Variants in USP16 observed in about 807,000 individuals in gnomAD.
USP16 encodes the protein ubiquitin specific peptidase 16.
A neutral mutation model predicts 95.9 loss-of-function variants in USP16; 77 were observed. That is an observed-to-expected ratio of 0.80 (90% confidence interval 0.67 to 0.97). The LOEUF (loss-of-function observed/expected upper bound fraction) is 0.97, where lower values mean the gene tolerates loss of function less well. Ranked by LOEUF, USP16 falls within the 50% of genes least tolerant of loss-of-function variation. USP16 has a pLI of 0.00. For synonymous variants in USP16, 303 were observed against 318.2 expected (o/e 0.95, Z 0.51); for missense variants, 943 against 959.9 (o/e 0.98, Z 0.23).
In USP16 at chr21:29,046,828, A is replaced by G; in HGVS notation, c.1518A>G (p.Lys506=). 4 of 1,614,198 alleles carry G rather than the reference A, an allele frequency of 2.5e-6. No homozygotes were observed. Among genetic ancestry groups the G allele is most frequent in the Admixed American group, 1.7e-5 (1 of 60,026 alleles). The change falls in exon 14 of 18, where the codon AAA becomes AAG. Residue 506 remains lysine, a synonymous_variant. Coordinates refer to ENST00000399976, the MANE Select transcript of USP16 (RefSeq NM_006447.3). ...TTTCACAAGAGGGTGTTATGCATAA[A>G]GAATATTGTGTCAACCAGAAAGATT... The part of the protein sequence containing the change: ...NHISQEGVMH[K]EYCVNQKDLN...
At chr21:29,041,801 G>A (rs1423964917) in intron 10 of USP16, among the ~76,000 whole-genome samples, 2 of 152,100 alleles carry the variant, frequency 1.3e-5, no homozygotes, top group Non-Finnish European at 2.9e-5. Flanking sequence ...CATAAAAGGC[G>A]ATTGTGTTCA....
rs1360881671 is a variant in USP16, at chr21:29,054,436, A to AAT, written c.*254_*255dup. 1.5e-5 allele frequency: 7 copies of AAT among 469,494 alleles called. No individual in the cohort carries two copies. The East Asian group carries it at 2.8e-4, about 19-fold the overall frequency. The allele number at this position is 469,494 out of a possible 1,614,324, so 29.1% of individuals were successfully genotyped here. A position where few individuals can be genotyped will look rare whatever the true frequency, so the allele number is the denominator to read the frequency against. ...TGAATTACTTAAGTACTTTGTGTTT[A>AAT]ATATATCTGGGTGATGGATCACAAC... On this transcript the variant is annotated 3_prime_UTR_variant, in exon 18 of 18. Transcript: ENST00000399976.
At chr21:29,047,415 A>T (rs1366053156) in intron 14 of USP16, 94 bp downstream of exon 14, 1 of 1,340,844 alleles carries the variant, frequency 7.5e-7, no homozygotes, top group Non-Finnish European at 1.0e-6. Flanking sequence ...CAGGATTTGG[A>T]TGGCATGAAT....
Position 29,040,702 on chromosome 21 carries a change from T to C in USP16, c.1030+15T>C. 2 of 1,436,326 alleles carry C rather than the reference T, an allele frequency of 1.4e-6. No individual in the cohort carries two copies. Among genetic ancestry groups the C allele is most frequent in the African/African-American group, 1.4e-5 (1 of 70,182 alleles). The allele number at this position is 1,436,326 out of a possible 1,614,324, so 89.0% of individuals were successfully genotyped here. ...TAAAGTTAAAGGTAATGTCTGACTT[T>C]TTGAACTAAAACACTATAGTTGAAT... is the stretch of plus-strand genomic sequence containing the variant. On this transcript the variant is annotated intron_variant, in intron 10 of 17. Coordinates refer to ENST00000399976, the MANE Select transcript of USP16 (RefSeq NM_006447.3).
intron 10 of USP16, 61 bp from the exon 11 acceptor site, chr21:29,041,952 T>G: frequency 1.4e-6 from 2 of 1,429,762 alleles, no homozygotes; most frequent in Non-Finnish European, 1.9e-6. Flanking sequence ...GTTTTAGCTT[T>G]TCTTGTTTAA....
intron 14 of USP16, 58 bp downstream of exon 14, chr21:29,047,379 C>A: frequency 6.6e-7 from 1 of 1,516,654 alleles, no homozygotes; most frequent in Non-Finnish European, 8.9e-7. Context: ...TTTTGCACTG[C>A]ATAGGTAGAG....
In USP16 at chr21:29,050,152, GCTC is replaced by G. The variant is rs923989245; in HGVS notation, c.2170_2172del (p.Pro724del). Reference sequence around the variant, plus strand: ...AAAGTTTCCGGAAATCTTAGATTTGGCTCCTTTTTGCACCCTTAAATGTAAGGT... The same window carrying G: ...AAAGTTTCCGGAAATCTTAGATTTGGCTTTTTGCACCCTTAAATGTAAGGT... On this transcript the variant is annotated inframe_deletion, in exon 16 of 18. Transcript: ENST00000399976. 1.2e-6 allele frequency: 2 copies of G among 1,613,410 alleles called. No individual in the cohort carries two copies. The highest frequency in any genetic ancestry group is 1.7e-6 in the Non-Finnish European group (2 of 1,179,942).
intron 1 of USP16, among the ~76,000 whole-genome samples, chr21:29,026,210 G>A (rs2146353700): frequency 6.6e-6 from 1 of 152,210 alleles, no homozygotes; most frequent in East Asian, 1.9e-4. Flanking sequence ...TGTAATCCCA[G>A]CACTTTGGGA....
chr21:29,025,117 C>G (rs2084967271), intron 1 of USP16, among the ~76,000 whole-genome samples: 1 of 152,132 alleles, frequency 6.6e-6, no homozygotes, highest in South Asian at 2.1e-4. Flanking sequence ...TGGGTTGGAG[C>G]TGGATTTGCA....
At chr21:29,037,060 A>T (rs1471870768) in intron 5 of USP16, among the ~76,000 whole-genome samples, 1 of 152,192 alleles carries the variant, frequency 6.6e-6, no homozygotes, top group Admixed American at 6.5e-5. Context: ...TATCAAACTA[A>T]TGCTTACTTT....
At chr21:29,046,372 A>G (rs2085323192) in intron 13 of USP16, among the ~76,000 whole-genome samples, 1 of 151,886 alleles carries the variant, frequency 6.6e-6, no homozygotes, top group Non-Finnish European at 1.5e-5. Context: ...AAACTCCTCA[A>G]GTGATCCTCT....
At chr21:29,028,404 C>T (rs1022034083) in intron 2 of USP16, among the ~76,000 whole-genome samples, 6 of 148,752 alleles carry the variant, frequency 4.0e-5, no homozygotes, top group East Asian at 4.0e-4. Context: ...TAGGATTACA[C>T]GTGAGAGCCA....
chr21:29,031,696 C>T (rs1001292244), intron 3 of USP16, among the ~76,000 whole-genome samples: 1 of 152,214 alleles, frequency 6.6e-6, no homozygotes, highest in African/African-American at 2.4e-5. Context: ...CCTTGGCTCC[C>T]TCAAAGTGCT....
intron 8 of USP16, 22 bp from the exon 9 acceptor site, chr21:29,039,459 C>T: frequency 1.2e-6 from 2 of 1,608,976 alleles, no homozygotes; most frequent in Non-Finnish European, 1.7e-6. Flanking sequence ...GATTGCTTTT[C>T]TGTCTTTTTG....
chr21:29,052,405 C>G (rs929093570), intron 16 of USP16: 2 of 152,294 alleles, frequency 1.3e-5, no homozygotes, highest in African/African-American at 4.8e-5. Context: ...CACGTCACAT[C>G]TTACATGGAT....
Position 29,028,021 on chromosome 21 carries a change from T to A in USP16, c.61+47T>A, listed in dbSNP as rs770909224. ...TTTAATGTTTATATCTCTAAATGAA[T>A]ATGTTTTAAAATGTAAAAATGGTAT... On this transcript the variant is annotated intron_variant, in intron 2 of 17. Coordinates refer to ENST00000399976, the MANE Select transcript of USP16 (RefSeq NM_006447.3). 7.0e-6 allele frequency: 10 copies of A among 1,421,112 alleles called. 1 individual carries two copies. Among genetic ancestry groups the A allele is most frequent in the South Asian group, 2.4e-5 (2 of 83,526 alleles). 88.0% of individuals were successfully genotyped at this position (1,421,112 alleles called of 1,614,324 possible).
At position 29,054,436 on chromosome 21, in the gene USP16, A is replaced by G. The variant is rs2085464010; in HGVS notation, c.*249A>G. On this transcript the variant is annotated 3_prime_UTR_variant, in exon 18 of 18. Transcript: ENST00000399976. ...TGAATTACTTAAGTACTTTGTGTTT[A>G]ATATATCTGGGTGATGGATCACAAC... 2.1e-6 allele frequency: 1 copy of G among 469,612 alleles called. No individual in the cohort carries two copies. The highest frequency in any genetic ancestry group is 2.0e-5 in the African/African-American group (1 of 51,200). 29.1% of individuals were successfully genotyped at this position (469,612 alleles called of 1,614,324 possible).
At chr21:29,029,304 T>C (rs1568882226) in intron 2 of USP16, among the ~76,000 whole-genome samples, 1 of 152,100 alleles carries the variant, frequency 6.6e-6, no homozygotes, top group Non-Finnish European at 1.5e-5. Context: ...TCCCAGCTAC[T>C]TGGGAGGCTG....
At chr21:29,036,131 C>G in intron 4 of USP16, 140 bp from the exon 5 acceptor site, 8 of 663,658 alleles carry the variant, frequency 1.2e-5, no homozygotes, top group Non-Finnish European at 2.0e-5. Context: ...TAGTCTTCTT[C>G]AGGAAAACAG....
Sources: allele counts gnomAD v4.1 joint callset (sites outside exome capture counted in the v4.1 genomes callset), GRCh38; gene constraint gnomAD v4.1.1; transcripts MANE v1.5; gene names NCBI Gene and HGNC (gene_info 2026-07-23, HGNC 2026-07-21).